AVEN: variants seen among roughly 807,000 people sequenced by gnomAD.
AVEN encodes apoptosis and caspase activation inhibitor, also known as cell death regulator Aven.
A neutral mutation model predicts 38.1 loss-of-function variants in AVEN; 41 were observed. That is an observed-to-expected ratio of 1.08 (90% CI 0.84 to 1.40). The LOEUF (loss-of-function observed/expected upper bound fraction) is 1.40, where lower values mean the gene tolerates loss of function less well. Ranked by LOEUF, AVEN falls within the 40% of genes most tolerant of loss-of-function variation. The probability of loss-of-function intolerance (pLI) is 0.00; values close to 1 mark genes in which losing one functional copy is unlikely to be tolerated. For missense variants in AVEN, 605 were observed against 438.8 expected (o/e 1.38, Z -3.38); for synonymous variants, 206 against 171.8 (o/e 1.20, Z -1.56).
chr15:33,860,493 TCAC>T, intron 11 of AVEN: 1 of 655,648 alleles, frequency 1.5e-6, no homozygotes. Flanking sequence ...CTTTGATAAT[TCAC>T]TTTTTTTTTT....
exon 12 of AVEN, chr15:33,858,880 A>G (rs2080019214): frequency 6.6e-6 from 1 of 152,494 alleles, no homozygotes; most frequent in Non-Finnish European, 1.5e-5. Flanking sequence ...CTTCTTGACG[A>G]AAAACTCTCC....
intron 2 of AVEN, among the ~76,000 whole-genome samples, chr15:33,924,361 C>CTT (rs1555507483): frequency 6.7e-5 from 1 of 14,836 alleles, no homozygotes; most frequent in Non-Finnish European, 2.3e-4. Context: ...CAGAGCGAGA[C>CTT]TGTCTCAAAA....
chr15:33,889,183 T>C (rs185242467), intron 2 of AVEN, among the ~76,000 whole-genome samples: 101 of 152,346 alleles, frequency 6.6e-4, no homozygotes, highest in Non-Finnish European at 1.1e-3. Context: ...GAAAAATCTA[T>C]TAACAAAATC....
chr15:33,972,509 C>CAAAAAT (rs1895682190), intron 2 of AVEN: 1 of 151,480 alleles, frequency 6.6e-6, no homozygotes, highest in African/African-American at 2.4e-5. Flanking sequence ...TGTTAAAAAA[C>CAAAAAT]AAAAACAACA....
rs1344158103 is a variant in AVEN, at chr15:33,881,517, G to A, written c.446-5522C>T. Among the ~76,000 whole-genome samples the A allele has an allele frequency of 3.3e-5, 5 of 152,190 alleles. No individual in the cohort carries two copies. In the East Asian group the frequency reaches 9.6e-4, roughly 29 times the overall value. ...AACTGATCTTCCTGGCTAATTTTAA[G>A]TAGTAAACTTGGTAAAATGACTACT... is the stretch of plus-strand genomic sequence containing the variant. On this transcript the variant is annotated intron_variant, in intron 2 of 5. Coordinates refer to ENST00000306730, the MANE Select transcript of AVEN (RefSeq NM_020371.3).
intron 5 of AVEN, among the ~76,000 whole-genome samples, chr15:34,050,960 A>AAG (rs778454116): frequency 2.0e-5 from 3 of 152,180 alleles, no homozygotes; most frequent in Admixed American, 6.5e-5. Flanking sequence ...AAAATTAACA[A>AAG]TGATATTCAG....
chr15:33,915,424 C>A (rs1302974718), intron 2 of AVEN, among the ~76,000 whole-genome samples: 1 of 152,174 alleles, frequency 6.6e-6, no homozygotes, highest in Non-Finnish European at 1.5e-5. Context: ...AGGTCCAGAT[C>A]ACAAGAGAAG....
chr15:33,865,047 G>A, downstream of AVEN: 1 of 978,024 alleles, frequency 1.0e-6, no homozygotes, highest in Non-Finnish European at 1.6e-6. Context: ...TCTTCCTAAA[G>A]GGAGCCACAA....
At chr15:34,071,911 AACTAG>A (rs1458138749) in intron 1 of AVEN, among the ~76,000 whole-genome samples, 1 of 152,162 alleles carries the variant, frequency 6.6e-6, no homozygotes, top group Non-Finnish European at 1.5e-5. Context: ...TAACTCAGAA[AACTAG>A]ACTAGGTTAT....
intron 2 of AVEN, among the ~76,000 whole-genome samples, chr15:33,997,232 C>G (rs1368956141): frequency 2.0e-5 from 3 of 152,130 alleles, no homozygotes; most frequent in Non-Finnish European, 4.4e-5. Flanking sequence ...CTGAAAGACA[C>G]ACTATAGAAG....
chr15:33,886,067 G>A lies in AVEN; in HGVS notation c.446-10072C>T, dbSNP rs191035732. 1.9e-3 allele frequency among the ~76,000 whole-genome samples: 284 copies of A among 152,306 alleles called. 1 individual carries two copies. Among genetic ancestry groups the A allele is most frequent in the Non-Finnish European group, 3.0e-3 (207 of 68,016 alleles). ...TTAGAACTGATCTGTAGTATAGTGT[G>A]TCAGGATAAGCTCTGGCTGCATGTA... On this transcript the variant is annotated intron_variant, in intron 2 of 5. Transcript: ENST00000306730.
intron 2 of AVEN, among the ~76,000 whole-genome samples, chr15:33,998,679 T>G (rs1156912067): frequency 6.6e-6 from 1 of 152,184 alleles, no homozygotes; most frequent in African/African-American, 2.4e-5. Context: ...ACCTTCCTGT[T>G]AAATTTAACA....
intron 2 of AVEN, among the ~76,000 whole-genome samples, chr15:33,894,030 AC>A: frequency 6.7e-6 from 1 of 149,918 alleles, no homozygotes; most frequent in Non-Finnish European, 1.5e-5. Flanking sequence ...GCTCACTGCA[AC>A]CTCCACCTCC....
chr15:33,974,627 T>G (rs1415741216), intron 2 of AVEN, among the ~76,000 whole-genome samples: 1 of 152,204 alleles, frequency 6.6e-6, no homozygotes, highest in Non-Finnish European at 1.5e-5. Context: ...ATAATGCATG[T>G]GTACGTCCTC....
intron 2 of AVEN, among the ~76,000 whole-genome samples, chr15:34,000,724 A>G (rs1181309863): frequency 6.6e-6 from 1 of 152,216 alleles, no homozygotes; most frequent in East Asian, 1.9e-4. Flanking sequence ...GAGTATGAAG[A>G]AAGCATGGAA....
chr15:33,875,093 T>C (rs531252114), intron 3 of AVEN, among the ~76,000 whole-genome samples: 93 of 152,242 alleles, frequency 6.1e-4, no homozygotes, highest in African/African-American at 2.1e-3. Context: ...TCCCAAACAA[T>C]TGAGCCTAAA....
chr15:33,876,056 A>G, intron 2 of AVEN, 61 bp from the exon 3 acceptor site: 1 of 1,500,864 alleles, frequency 6.7e-7, no homozygotes, highest in Non-Finnish European at 9.1e-7. Flanking sequence ...CAGTTCTCTA[A>G]ATTTCCCTGC....
chr15:33,870,841 G>A, intron 4 of AVEN, 94 bp downstream of exon 4: 1 of 828,284 alleles, frequency 1.2e-6, no homozygotes, highest in South Asian at 2.6e-5. Context: ...ATAAAGGGAA[G>A]CTGACACTGA....
At chr15:33,967,939 G>GA (rs1283864169) in intron 2 of AVEN, among the ~76,000 whole-genome samples, 2 of 148,706 alleles carry the variant, frequency 1.3e-5, no homozygotes, top group South Asian at 2.1e-4. Flanking sequence ...ATACATTTAG[G>GA]AAAAAAAAAA....
Sources: gnomAD v4.1 joint callset for allele counts (sites outside exome capture counted in the v4.1 genomes callset) on GRCh38, gnomAD v4.1.1 for gene constraint, MANE v1.5 for transcripts, NCBI Gene and HGNC (gene_info 2026-07-23, HGNC 2026-07-21) for gene names.